Variants in ACOXL observed in about 807,000 individuals in gnomAD.
ACOXL encodes the protein acyl-CoA oxidase like.
A neutral mutation model predicts 71.9 loss-of-function variants in ACOXL; 70 were observed. That is an observed-to-expected ratio of 0.97 (90% CI 0.80 to 1.19). ACOXL has a LOEUF of 1.19. Among genes scored for constraint, ACOXL ranks in the 50% most tolerant of loss-of-function variants. The pLI, the probability that ACOXL is intolerant of heterozygous loss-of-function variation, is 0.00. For synonymous variants in ACOXL, 253 were observed against 281.6 expected, an observed-to-expected ratio of 0.90 and a Z score of 1.02; for missense variants, 703 against 736.3, an observed-to-expected ratio of 0.95 and a Z score of 0.52.
intron 11 of ACOXL, among the ~76,000 whole-genome samples, chr2:110,924,183 A>T (rs550152210): frequency 4.6e-5 from 7 of 152,346 alleles, no homozygotes; most frequent in Admixed American, 1.3e-4. Flanking sequence ...AAAAAGACTA[A>T]TGAGCATCTA....
At chr2:110,818,802 C>G (rs1026154572) in intron 9 of ACOXL, among the ~76,000 whole-genome samples, 3 of 152,092 alleles carry the variant, frequency 2.0e-5, no homozygotes, top group Non-Finnish European at 4.4e-5. Flanking sequence ...AAAAGCAGAG[C>G]GTAAACCTGA....
Position 110,833,960 on chromosome 2 carries a change from C to T in ACOXL, c.754-7411C>T, listed in dbSNP as rs555517868. On this transcript the variant is annotated intron_variant, in intron 9 of 17. Coordinates refer to ENST00000439055, the MANE Select transcript of ACOXL (RefSeq NM_001142807.4). ...ACAGGGCCTGGGGGTGAGAGGGGTC[C>T]ACAAGCTGAGATGAGGTCTCTGAGC... Among the ~76,000 whole-genome samples the T allele has an allele frequency of 5.9e-5, 9 of 152,276 alleles. No homozygotes were observed. In the East Asian group the frequency reaches 1.7e-3, roughly 29 times the overall value.
At chr2:110,809,254 T>C (rs1425445953) in intron 9 of ACOXL, among the ~76,000 whole-genome samples, 1 of 152,264 alleles carries the variant, frequency 6.6e-6, no homozygotes, top group East Asian at 1.9e-4. Flanking sequence ...TGCATTGTGC[T>C]GTAAGCAGGC....
At chr2:111,082,367 T>C (rs556972366) in intron 16 of ACOXL, among the ~76,000 whole-genome samples, 64 of 149,960 alleles carry the variant, frequency 4.3e-4, no homozygotes, top group Non-Finnish European at 8.4e-4. Flanking sequence ...GGGTGAAGGA[T>C]ATGCATAGAC....
intron 1 of ACOXL, among the ~76,000 whole-genome samples, chr2:110,734,564 A>G (rs1219372255): frequency 6.6e-6 from 1 of 152,148 alleles, no homozygotes; most frequent in East Asian, 1.9e-4. Context: ...TTAACAGTGC[A>G]AAGAGTTCCT....
chr2:111,000,385 A>G (rs2063569519), intron 14 of ACOXL, among the ~76,000 whole-genome samples: 1 of 152,170 alleles, frequency 6.6e-6, no homozygotes, highest in African/African-American at 2.4e-5. Flanking sequence ...GCAAGAAGAG[A>G]GAGAGAATCT....
At chr2:110,818,465 A>G (rs1007321481) in intron 9 of ACOXL, among the ~76,000 whole-genome samples, 2 of 144,920 alleles carry the variant, frequency 1.4e-5, no homozygotes, top group Non-Finnish European at 3.0e-5. Context: ...ATATATATAT[A>G]TGTATATGTG....
intron 9 of ACOXL, among the ~76,000 whole-genome samples, chr2:110,834,776 TG>T (rs1235001279): frequency 6.6e-6 from 1 of 152,226 alleles, no homozygotes; most frequent in Non-Finnish European, 1.5e-5. Flanking sequence ...CCCCAGCTTA[TG>T]GGACTCCATC....
chr2:110,935,800 G>A (rs2060640104), intron 12 of ACOXL, among the ~76,000 whole-genome samples: 1 of 141,848 alleles, frequency 7.0e-6, no homozygotes, highest in African/African-American at 2.6e-5. Context: ...CCTCCAACCT[G>A]TTTGGCACCA....
At chr2:110,919,661 G>A (rs1303573692) in intron 11 of ACOXL, among the ~76,000 whole-genome samples, 2 of 152,066 alleles carry the variant, frequency 1.3e-5, no homozygotes, top group Non-Finnish European at 2.9e-5. Context: ...TACCACTTCA[G>A]TATCAAACAA....
chr2:110,885,264 C>A (rs1294012105), intron 10 of ACOXL, among the ~76,000 whole-genome samples: 1 of 152,132 alleles, frequency 6.6e-6, no homozygotes, highest in African/African-American at 2.4e-5. Flanking sequence ...GTGAAATTGT[C>A]CTCTGAGGAG....
intron 13 of ACOXL, among the ~76,000 whole-genome samples, chr2:110,988,235 C>T (rs950907606): frequency 5.3e-5 from 8 of 152,098 alleles, no homozygotes; most frequent in South Asian, 2.1e-4. Context: ...CCCAGGAGTT[C>T]GAGACCAGCC....
At chr2:110,917,322 A>T (rs1222743452) in intron 11 of ACOXL, among the ~76,000 whole-genome samples, 1 of 152,216 alleles carries the variant, frequency 6.6e-6, no homozygotes, top group African/African-American at 2.4e-5. Context: ...ATCTCAATAG[A>T]TGCAGAAAAG....
intron 10 of ACOXL, among the ~76,000 whole-genome samples, chr2:110,891,105 T>G (rs1214334598): frequency 6.6e-6 from 1 of 152,188 alleles, no homozygotes; most frequent in African/African-American, 2.4e-5. Context: ...CAATTAATTT[T>G]TGTATATTTA....
chr2:111,040,838 G>T (rs1444578225), intron 15 of ACOXL, among the ~76,000 whole-genome samples: 1 of 152,122 alleles, frequency 6.6e-6, no homozygotes, highest in African/African-American at 2.4e-5. Flanking sequence ...GGGGTGTAGG[G>T]CCAATGTGAG....
chr2:110,951,181 C>CA (rs1430718404), intron 12 of ACOXL, among the ~76,000 whole-genome samples: 2 of 152,010 alleles, frequency 1.3e-5, no homozygotes, highest in Non-Finnish European at 1.5e-5. Context: ...AGACAGTTCC[C>CA]AAAAAATAGC....
chr2:110,820,802 C>T (rs960094762), intron 9 of ACOXL, among the ~76,000 whole-genome samples: 3 of 152,076 alleles, frequency 2.0e-5, no homozygotes, highest in Non-Finnish European at 2.9e-5. Context: ...TGGAAATTCA[C>T]CAATTGGGTT....
At position 111,085,946 on chromosome 2, in the gene ACOXL, C is replaced by A. The variant is rs539711097; in HGVS notation, c.1441-6919C>A. 6.7e-4 allele frequency among the ~76,000 whole-genome samples: 102 copies of A among 152,168 alleles called. 2 individuals are homozygous for A. In the South Asian group the frequency reaches 8.7e-3, roughly 13 times the overall value. On this transcript the variant is annotated intron_variant, in intron 16 of 17. Transcript: ENST00000439055. ...AGACTACTATGAATACCTGTATATA[C>A]ACAAACCAGGAAGTCTAGAAGAAAG... is the stretch of plus-strand genomic sequence containing the variant.
intron 12 of ACOXL, among the ~76,000 whole-genome samples, chr2:110,955,462 C>T (rs1299395257): frequency 6.7e-6 from 1 of 150,216 alleles, no homozygotes; most frequent in Non-Finnish European, 1.5e-5. Context: ...CTCTGTCTCT[C>T]GCCACCTATG....
Sources: allele counts gnomAD v4.1 joint callset (sites outside exome capture counted in the v4.1 genomes callset), GRCh38; gene constraint gnomAD v4.1.1; transcripts MANE v1.5; gene names NCBI Gene and HGNC (gene_info 2026-07-23, HGNC 2026-07-21).